The following BCAR1 variants were observed in gnomAD, a reference collection of about 807,000 sequenced individuals.
BCAR1 encodes breast cancer anti-estrogen resistance protein 1.
In BCAR1, 30 loss-of-function variants were observed where a neutral mutation model predicts 67.6. The observed-to-expected ratio is 0.44, with a 90% CI of 0.33 to 0.60. The LOEUF is 0.60. Ranked by LOEUF, BCAR1 falls within the 20% of genes least tolerant of loss-of-function variation. BCAR1 has a pLI of 0.02. For missense variants in BCAR1, 1,313 were observed against 1,222.3 expected (o/e 1.07, Z -1.11); for synonymous variants, 626 against 556.7 (o/e 1.12, Z -1.75).
chr16:75,263,429 G>A (rs1468281954), intron 1 of BCAR1: 1 of 985,280 alleles, frequency 1.0e-6, no homozygotes, highest in Admixed American at 6.1e-5. Context: ...AGGGTGTCCA[G>A]GCAGCACACG....
intron 1 of BCAR1, chr16:75,249,357 G>C (rs1184843605): frequency 6.6e-6 from 1 of 152,260 alleles, no homozygotes. Flanking sequence ...ATGTAGAGGT[G>C]GGAGGAAGTC....
intron 1 of BCAR1, chr16:75,248,696 G>A (rs1008094684): frequency 1.9e-5 from 3 of 156,114 alleles, no homozygotes; most frequent in African/African-American, 7.2e-5. Flanking sequence ...TACATAGCCT[G>A]TGCACGGGGC....
intron 1 of BCAR1, chr16:75,243,494 G>A (rs200798253): frequency 5.7e-5 from 30 of 530,836 alleles, no homozygotes; most frequent in Non-Finnish European, 1.0e-4. Context: ...CGAGGTGCAC[G>A]AAAATAATCT....
chr16:75,242,309 T>C (rs1430385115), intron 2 of BCAR1, among the ~76,000 whole-genome samples, 161 bp downstream of exon 2: 1 of 152,152 alleles, frequency 6.6e-6, no homozygotes, highest in Non-Finnish European at 1.5e-5. Context: ...CCCGGACAAA[T>C]GAACACCCCC....
rs2077085450 is a variant in BCAR1, at chr16:75,235,567, C to T, written c.1332G>A (p.Leu444=). ...GTTCCCGGCCCGGCCCTGCCACCTC[C>T]AAGGAGGACGCAGACTGGCTGCTGC... is the stretch of plus-strand genomic sequence containing the variant. ...STRSSQSASS[L]EVAGPGREPL... is the part of the protein sequence containing the mutation. Residue 444 remains leucine (L), a synonymous_variant, in exon 5 of 7, where the codon TTG becomes TTA. Coordinates refer to ENST00000162330, the MANE Select transcript of BCAR1 (RefSeq NM_014567.5). The T allele has an allele frequency of 2.5e-6, 4 of 1,596,664 alleles. No homozygotes were observed. Among genetic ancestry groups the T allele is most frequent in the Non-Finnish European group, 3.4e-6 (4 of 1,172,160 alleles).
chr16:75,231,663 G>A (rs1597156553), intron 6 of BCAR1, among the ~76,000 whole-genome samples: 1 of 152,210 alleles, frequency 6.6e-6, no homozygotes, highest in Admixed American at 6.5e-5. Context: ...TTATCTAAGT[G>A]ATTCATCAGA....
intron 6 of BCAR1, among the ~76,000 whole-genome samples, chr16:75,233,425 C>T (rs1005726385): frequency 5.3e-5 from 8 of 151,944 alleles, no homozygotes; most frequent in Admixed American, 6.6e-5. Flanking sequence ...ATTCAATAGA[C>T]GCTAAGTGGT....
In BCAR1 at chr16:75,238,289, G is replaced by A. The variant is rs1234049053; in HGVS notation, c.634-945C>T. 1.0e-5 allele frequency: 12 copies of A among 1,156,840 alleles called. 1 individual carries two copies. The highest frequency in any genetic ancestry group is 5.0e-5 in the African/African-American group (3 of 60,546). The allele number at this position is 1,156,840 out of a possible 1,614,324, so 71.7% of individuals were successfully genotyped here. ...TCCCTGGTGGGATTCTCCAGCCCCC[G>A]GGCACACTGCGCCCACACGCCTCCA... On this transcript the variant is annotated intron_variant, in intron 2 of 6. Coordinates refer to ENST00000162330, the MANE Select transcript of BCAR1 (RefSeq NM_014567.5).
At chr16:75,244,695 G>A (rs1416116102) in intron 1 of BCAR1, among the ~76,000 whole-genome samples, 3 of 152,196 alleles carry the variant, frequency 2.0e-5, no homozygotes, top group African/African-American at 7.2e-5. Flanking sequence ...TGGAGAGCCA[G>A]GAGGAGCAAG....
intron 2 of BCAR1, among the ~76,000 whole-genome samples, chr16:75,241,019 G>A (rs1363103743): frequency 2.6e-5 from 4 of 152,284 alleles, no homozygotes; most frequent in Non-Finnish European, 4.4e-5. Flanking sequence ...GAGAGGAGGG[G>A]TGGGGATGTG....
At chr16:75,236,719 G>C in intron 4 of BCAR1, 163 bp downstream of exon 4, 2 of 1,305,282 alleles carry the variant, frequency 1.5e-6, no homozygotes, top group Non-Finnish European at 2.0e-6. Context: ...TCAGAAGACA[G>C]CTTGATTTCC....
intron 1 of BCAR1, among the ~76,000 whole-genome samples, chr16:75,245,726 C>T (rs934031848): frequency 1.3e-5 from 2 of 152,314 alleles, no homozygotes; most frequent in African/African-American, 4.8e-5. Context: ...GGTGTGCCCC[C>T]GCCCAGCCTG....
chr16:75,252,467 C>A (rs2077701499), upstream of BCAR1: 1 of 1,389,118 alleles, frequency 7.2e-7, no homozygotes, highest in Non-Finnish European at 9.4e-7. Context: ...CCTTGGCTCT[C>A]CTGAGTTGCC....
In BCAR1 at chr16:75,235,164, G is replaced by T. The variant is rs777333020; in HGVS notation, c.1735C>A (p.Leu579Met). The part of the protein sequence containing the change: ...SGATLEDLDR[L>M]VACSRAVPED... ...GGCACAGCCCGCGAGCAGGCCACCA[G>T]CCGGTCCAGGTCCTCAAGGGTGGCT... The change falls in exon 5 of 7, where the codon CTG becomes ATG. Residue 579 changes from leucine to methionine, a missense_variant. This residue lies in a region of BCAR1 where 1,272 missense variants were observed against 1,137.5 expected (regional missense o/e 1.12). Transcript: ENST00000162330. The T allele has an allele frequency of 3.7e-6, 6 of 1,608,682 alleles. No homozygotes were observed. The African/African-American group carries it at 5.3e-5, about 14-fold the overall frequency.
chr16:75,265,954 T>C (rs1391531452), intron 1 of BCAR1: 1 of 1,077,512 alleles, frequency 9.3e-7, no homozygotes, highest in Non-Finnish European at 1.1e-6. Context: ...CTCCTCCGGC[T>C]CCTGAGCGTT....
chr16:75,235,798 CG>C lies in BCAR1; in HGVS notation c.1100del (p.Pro367ArgfsTer104), dbSNP rs1456919135. On this transcript the variant is annotated frameshift_variant, in exon 5 of 7. Coordinates refer to ENST00000162330, the MANE Select transcript of BCAR1 (RefSeq NM_014567.5). LOFTEE classifies it high-confidence loss of function. ...GGGGCACGTCGTAGAGGTCAGGAGC[CG>C]GGGGCGGCACGTCATACACGTCCTC... ...PAEDVYDVPP[P>X]APDLYDVPPG... 3 of 1,592,944 alleles carry C rather than the reference CG, an allele frequency of 1.9e-6. No individual in the cohort carries two copies. The highest frequency in any genetic ancestry group is 2.6e-6 in the Non-Finnish European group (3 of 1,169,292).
chr16:75,234,876 A>G lies in BCAR1; in HGVS notation c.2010+13T>C, dbSNP rs1408486559. 4 of 1,521,344 alleles carry G rather than the reference A, an allele frequency of 2.6e-6. No homozygotes were observed. In the Admixed American group the frequency reaches 6.4e-5, roughly 24 times the overall value. The allele number at this position is 1,521,344 out of a possible 1,614,324, so 94.2% of individuals were successfully genotyped here. ...GGCAGAAGAGGAGCCGGGGCTGGGCAGGCGGCACCCACCTGTAGGTGGACG... is the reference window on the plus strand; with the variant it reads ...GGCAGAAGAGGAGCCGGGGCTGGGCGGGCGGCACCCACCTGTAGGTGGACG... On this transcript the variant is annotated intron_variant, in intron 5 of 6. Coordinates refer to ENST00000162330, the MANE Select transcript of BCAR1 (RefSeq NM_014567.5).
chr16:75,230,172 C>T (rs980258220), intron 6 of BCAR1, 149 bp from the exon 7 acceptor site: 17 of 991,526 alleles, frequency 1.7e-5, no homozygotes, highest in Non-Finnish European at 2.2e-5. Context: ...TCTCCTCTCC[C>T]GGGGACGGGA....
chr16:75,236,110 G>T (rs999759490), intron 4 of BCAR1, 124 bp from the exon 5 acceptor site: 2 of 1,246,466 alleles, frequency 1.6e-6, no homozygotes, highest in Non-Finnish European at 2.2e-6. Context: ...ACAGAGGCAC[G>T]CGCACACACA....
Sources: allele counts gnomAD v4.1 joint callset (sites outside exome capture counted in the v4.1 genomes callset), GRCh38; gene constraint gnomAD v4.1.1; regional missense constraint gnomAD v4.1.1; transcripts MANE v1.5; gene names NCBI Gene and HGNC (gene_info 2026-07-23, HGNC 2026-07-21).